WDR3: variants seen among roughly 807,000 people sequenced by gnomAD.
WDR3 encodes the protein WD repeat-containing protein 3.
WDR3 carries 81 observed loss-of-function variants against 123.7 expected under a neutral mutation model. The observed-to-expected ratio is 0.65, with a 90% confidence interval of 0.55 to 0.79. The LOEUF (loss-of-function observed/expected upper bound fraction) is 0.79, where lower values mean the gene tolerates loss of function less well. Among genes scored for constraint, WDR3 ranks in the 30% least tolerant of loss-of-function variants. WDR3 has a pLI of 0.00. For missense variants in WDR3, 1,027 were observed against 1,123.2 expected (o/e 0.91, Z 1.22); for synonymous variants, 390 against 388.8 (o/e 1.00, Z -0.04).
intron 3 of WDR3, among the ~76,000 whole-genome samples, chr1:117,936,154 C>T (rs1281725108): frequency 6.6e-6 from 1 of 151,924 alleles, no homozygotes; most frequent in Non-Finnish European, 1.5e-5. Context: ...GGGAACAGGC[C>T]TTGTCATACA....
chr1:117,934,194 T>C (rs1324259898), intron 2 of WDR3, among the ~76,000 whole-genome samples: 2 of 152,238 alleles, frequency 1.3e-5, no homozygotes, highest in Non-Finnish European at 2.9e-5. Context: ...TTAAAGGGAT[T>C]AAATTTATTT....
intron 2 of WDR3, 48 bp downstream of exon 2, chr1:117,933,538 A>G (rs996016976): frequency 1.2e-6 from 2 of 1,608,174 alleles, no homozygotes; most frequent in African/African-American, 2.7e-5. Context: ...GTATTTGAGG[A>G]TGGAGAGGTA....
intron 26 of WDR3, 125 bp from the exon 27 acceptor site, chr1:117,959,167 A>G (rs1400819641): frequency 7.3e-7 from 1 of 1,378,852 alleles, no homozygotes; most frequent in Non-Finnish European, 9.8e-7. Flanking sequence ...ACAAACAAGA[A>G]AAGTTCTTAA....
chr1:117,944,137 A>G (rs1434262822), intron 11 of WDR3, among the ~76,000 whole-genome samples: 1 of 152,174 alleles, frequency 6.6e-6, no homozygotes, highest in Non-Finnish European at 1.5e-5. Flanking sequence ...TTCTGTCTTC[A>G]TCTGTCTCCC....
chr1:117,958,826 T>C, intron 25 of WDR3, 84 bp from the exon 26 acceptor site: 1 of 908,240 alleles, frequency 1.1e-6, no homozygotes, highest in Non-Finnish European at 1.7e-6. Flanking sequence ...GTTGCTTTGA[T>C]ATTGTGTCTG....
chr1:117,930,917 G>A (rs1231867296), intron 1 of WDR3, among the ~76,000 whole-genome samples: 1 of 152,158 alleles, frequency 6.6e-6, no homozygotes, highest in East Asian at 1.9e-4. Context: ...GAGATAGGAA[G>A]AGTGACTTCC....
At chr1:117,935,324 C>A (rs1650876705) in intron 3 of WDR3, among the ~76,000 whole-genome samples, 1 of 151,644 alleles carries the variant, frequency 6.6e-6, no homozygotes. Flanking sequence ...AGAACTTGAC[C>A]TAATATGGAA....
chr1:117,938,890 G>A (rs1226206786), intron 5 of WDR3, among the ~76,000 whole-genome samples: 1 of 152,194 alleles, frequency 6.6e-6, no homozygotes, highest in Admixed American at 6.5e-5. Flanking sequence ...TAAGCAGCAC[G>A]TGGTAGCTGT....
chr1:117,954,070 A>G lies in WDR3; in HGVS notation c.2332A>G (p.Lys778Glu), dbSNP rs776596387. Residue 778 changes from lysine (K) to glutamate (E), a missense_variant, in exon 22 of 27, where the codon AAA (lysine) becomes GAA (glutamate). Lys to Glu is a moderately conservative substitution (Grantham distance 56). Transcript: ENST00000349139. ...REETAKMKEH[K>E]AICKAAGKEV... ...AGAAACTGCAAAAATGAAGGAACACAAAGCCATTTGTAAAGCTGCAGGGAA... is the reference window on the plus strand; with the variant it reads ...AGAAACTGCAAAAATGAAGGAACACGAAGCCATTTGTAAAGCTGCAGGGAA... 1.7e-5 allele frequency: 27 copies of G among 1,612,460 alleles called. No homozygotes were observed. The South Asian group carries it at 3.0e-4, about 18-fold the overall frequency.
At chr1:117,934,240 C>T (rs1366060195) in intron 2 of WDR3, among the ~76,000 whole-genome samples, 1 of 152,150 alleles carries the variant, frequency 6.6e-6, no homozygotes, top group Non-Finnish European at 1.5e-5. Flanking sequence ...ATTACAACAA[C>T]GTAGGGCTTT....
chr1:117,948,815 C>T (rs556140737), intron 13 of WDR3, among the ~76,000 whole-genome samples: 5 of 152,232 alleles, frequency 3.3e-5, no homozygotes, highest in African/African-American at 1.2e-4. Flanking sequence ...ATAGACTTTG[C>T]TGCTCCCCTT....
intron 3 of WDR3, among the ~76,000 whole-genome samples, chr1:117,935,108 C>T (rs1214840504): frequency 6.6e-6 from 1 of 152,042 alleles, no homozygotes; most frequent in African/African-American, 2.4e-5. Context: ...AAGTAACAGA[C>T]ATAAAAATAC....
In WDR3 at chr1:117,963,713, C is replaced by T. The variant is rs878924402; in HGVS notation, c.*4266C>T. ...GGCCAGGTGGCTTATAGGTTTCTGA[C>T]TATAAGAAGAGGGGAAGAAACCTGG... On this transcript the variant is annotated 3_prime_UTR_variant, in exon 27 of 27. Transcript: ENST00000349139. 4.1e-5 allele frequency: 54 copies of T among 1,308,436 alleles called. 1 individual carries two copies. In the South Asian group the frequency reaches 7.8e-4, roughly 19 times the overall value. 81.1% of individuals were successfully genotyped at this position (1,308,436 alleles called of 1,614,324 possible). A position where few individuals can be genotyped will look rare whatever the true frequency, so the allele number is the denominator to read the frequency against.
chr1:117,949,366 A>G (rs1184372757), intron 13 of WDR3, among the ~76,000 whole-genome samples: 1 of 152,210 alleles, frequency 6.6e-6, no homozygotes, highest in Non-Finnish European at 1.5e-5. Context: ...CTTCAAAACT[A>G]TTTTAAGTAG....
chr1:117,944,486 T>C (rs753465723), intron 11 of WDR3, among the ~76,000 whole-genome samples: 1 of 152,294 alleles, frequency 6.6e-6, no homozygotes, highest in East Asian at 1.9e-4. Context: ...TTTAACCTCC[T>C]CCCTAAACAT....
chr1:117,931,228 A>G (rs1333578921), intron 1 of WDR3, among the ~76,000 whole-genome samples: 3 of 152,174 alleles, frequency 2.0e-5, no homozygotes, highest in Non-Finnish European at 4.4e-5. Context: ...CCAGGTCCTT[A>G]TGGATAATTT....
At position 117,943,379 on chromosome 1, in the gene WDR3, A is replaced by T; in HGVS notation, c.1098-17A>T. On this transcript the variant is annotated splice_polypyrimidine_tract_variant and intron_variant, in intron 10 of 26. Transcript: ENST00000349139. ...TAAGATGGTAGCTAGAACATTTATG[A>T]TTATTTTCTTGTACAGGTCCTTTGA... 1 of 1,600,926 alleles carries T rather than the reference A, an allele frequency of 6.2e-7. No homozygotes were observed. The highest frequency in any genetic ancestry group is 8.5e-7 in the Non-Finnish European group (1 of 1,170,832).
chr1:117,950,957 G>A (rs1262858396), intron 16 of WDR3, 67 bp downstream of exon 16: 33 of 1,288,900 alleles, frequency 2.6e-5, no homozygotes, highest in Non-Finnish European at 3.5e-5. Flanking sequence ...TCTTAATTCT[G>A]GCTTGATGTC....
chr1:117,956,370 G>T (rs1652195293), intron 24 of WDR3, among the ~76,000 whole-genome samples: 1 of 152,014 alleles, frequency 6.6e-6, no homozygotes, highest in African/African-American at 2.4e-5. Context: ...ACTACTGAAG[G>T]CTATCATTTT....
Sources: gnomAD v4.1 joint callset for allele counts (sites outside exome capture counted in the v4.1 genomes callset) on GRCh38, gnomAD v4.1.1 for gene constraint, MANE v1.5 for transcripts, NCBI Gene and HGNC (gene_info 2026-07-23, HGNC 2026-07-21) for gene names.